Variants in KCNK10 observed in about 807,000 individuals in gnomAD.
KCNK10 encodes the protein potassium two pore domain channel subfamily K member 10.
A neutral mutation model predicts 47.7 loss-of-function variants in KCNK10; 25 were observed. That is an observed-to-expected ratio of 0.52 (90% CI 0.38 to 0.73). The LOEUF is 0.73. KCNK10 is among the 30% of genes least tolerant of loss of function. The probability of loss-of-function intolerance (pLI) is 0.00; values close to 1 mark genes in which losing one functional copy is unlikely to be tolerated. For missense variants in KCNK10, 563 were observed against 714.5 expected (o/e 0.79, Z 2.42); for synonymous variants, 303 against 285.6 (o/e 1.06, Z -0.61).
intron 2 of KCNK10, among the ~76,000 whole-genome samples, chr14:88,247,162 C>CT (rs1389999940): frequency 2.6e-5 from 4 of 152,192 alleles, no homozygotes; most frequent in Non-Finnish European, 5.9e-5. Flanking sequence ...ACTTTGAGTT[C>CT]TTTTTTCTCT....
In KCNK10 at chr14:88,243,545, G is replaced by C. The variant is rs186525041; in HGVS notation, c.403-2725C>G. On this transcript the variant is annotated intron_variant, in intron 2 of 6. Coordinates refer to ENST00000319231, the MANE Select transcript of KCNK10 (RefSeq NM_138317.3). ...TAGCCATTGTCCCAGAATTTAGGCA[G>C]AAGAGACCTCACGAGAGATCATTTC... Among the ~76,000 whole-genome samples the C allele has an allele frequency of 1.1e-3, 162 of 152,318 alleles. 1 individual carries two copies. Among genetic ancestry groups the C allele is most frequent in the Admixed American group, 2.1e-3 (32 of 15,300 alleles).
At position 88,185,607 on chromosome 14, in the gene KCNK10, CT is replaced by C. The variant is rs1364764037; in HGVS notation, c.1559del (p.Glu520GlyfsTer4). Reference sequence around the variant, plus strand: ...TGGTGTCCGTGGGTATCATTCCGTTCTCCAACTCAGCGTGCTGCTGGATACA... The same window carrying C: ...TGGTGTCCGTGGGTATCATTCCGTTCCCAACTCAGCGTGCTGCTGGATACA... ...TDCIQQHAEL[E>X]NGMIPTDTKD... On this transcript the variant is annotated frameshift_variant, in exon 7 of 7. Coordinates refer to ENST00000319231, the MANE Select transcript of KCNK10 (RefSeq NM_138317.3). LOFTEE classifies it high-confidence loss of function. The surrounding 1 kb of genome is among the most constrained non-coding windows in gnomAD (Gnocchi z 4.3). 2 of 1,614,170 alleles carry C rather than the reference CT, an allele frequency of 1.2e-6. No homozygotes were observed. Among genetic ancestry groups the C allele is most frequent in the South Asian group, 2.2e-5 (2 of 91,084 alleles).
intron 1 of KCNK10, among the ~76,000 whole-genome samples, chr14:88,283,083 A>G (rs1303767735): frequency 6.6e-6 from 1 of 152,232 alleles, no homozygotes; most frequent in Non-Finnish European, 1.5e-5. Context: ...TGCTGTATGC[A>G]TCTATTAAAC....
At chr14:88,313,512 TG>T (rs1566722389) in intron 1 of KCNK10, among the ~76,000 whole-genome samples, 1 of 152,236 alleles carries the variant, frequency 6.6e-6, no homozygotes, top group Non-Finnish European at 1.5e-5. Flanking sequence ...CCAGCCACCA[TG>T]TCACATATGA....
intron 1 of KCNK10, among the ~76,000 whole-genome samples, chr14:88,269,704 T>G (rs1887356448): frequency 6.6e-6 from 1 of 152,200 alleles, no homozygotes; most frequent in Non-Finnish European, 1.5e-5. Flanking sequence ...CCTAAAGTGC[T>G]GGGATTACAA....
chr14:88,242,376 T>A (rs553729709), intron 2 of KCNK10, among the ~76,000 whole-genome samples: 2 of 152,234 alleles, frequency 1.3e-5, no homozygotes, highest in Admixed American at 6.5e-5. Flanking sequence ...TTTCTTTTTT[T>A]AAATAATCTT....
intron 4 of KCNK10, among the ~76,000 whole-genome samples, chr14:88,204,885 T>C (rs931849957): frequency 2.6e-5 from 4 of 152,318 alleles, no homozygotes; most frequent in Admixed American, 1.3e-4. Flanking sequence ...GAGCCTATAC[T>C]GACAATATCA....
At chr14:88,308,116 C>T (rs1355151040) in intron 1 of KCNK10, among the ~76,000 whole-genome samples, 2 of 152,140 alleles carry the variant, frequency 1.3e-5, no homozygotes, top group African/African-American at 4.8e-5. Flanking sequence ...CACCTGCAGC[C>T]GTGGGAGTAT....
Position 88,186,101 on chromosome 14 carries a change from A to G in KCNK10, c.1066T>C (p.Phe356Leu). ...CTGAGCCTTCGCCGTGTCTCCCGGA[A>G]CTCAGCCGTGACATTGGCCTTCCAC... Reference protein sequence around the residue: ...AEWKANVTAEFRETRRRLSVE... With the variant: ...AEWKANVTAELRETRRRLSVE... The change falls in exon 7 of 7, where the codon TTC becomes CTC. Residue 356 changes from phenylalanine (F) to leucine (L), a missense_variant. By Grantham distance (22) the Phe-to-Leu change is conservative. Transcript: ENST00000319231. This position sits in a 1 kb window ranked among gnomAD's most constrained non-coding sequence, Gnocchi z 5.5. 4 of 1,607,842 alleles carry G rather than the reference A, an allele frequency of 2.5e-6. No homozygotes were observed. Among genetic ancestry groups the G allele is most frequent in the Non-Finnish European group, 3.4e-6 (4 of 1,177,936 alleles).
intron 4 of KCNK10, among the ~76,000 whole-genome samples, chr14:88,198,852 A>C (rs1436457075): frequency 2.0e-5 from 3 of 146,736 alleles, no homozygotes; most frequent in African/African-American, 7.4e-5. Context: ...GTATAAAGGG[A>C]ATATAGTAAT....
chr14:88,244,622 C>T (rs1425742630), intron 2 of KCNK10, among the ~76,000 whole-genome samples: 1 of 151,958 alleles, frequency 6.6e-6, no homozygotes, highest in Admixed American at 6.6e-5. Flanking sequence ...GAGCCGAGAT[C>T]GCGCTACTGC....
intron 1 of KCNK10, among the ~76,000 whole-genome samples, chr14:88,279,888 A>T (rs926111733): frequency 3.9e-5 from 6 of 152,074 alleles, no homozygotes; most frequent in African/African-American, 1.4e-4. Flanking sequence ...AATAAGTCTC[A>T]TGAGATCTGA....
intron 3 of KCNK10, among the ~76,000 whole-genome samples, chr14:88,236,285 C>T (rs886197476): frequency 6.6e-6 from 1 of 151,414 alleles, no homozygotes; most frequent in Non-Finnish European, 1.5e-5. Flanking sequence ...CCACTGTACT[C>T]CAGCCTGGAC....
intron 2 of KCNK10, among the ~76,000 whole-genome samples, chr14:88,247,296 C>A (rs1886672645): frequency 6.6e-6 from 1 of 152,140 alleles, no homozygotes; most frequent in African/African-American, 2.4e-5. Context: ...TGTGCCTTTA[C>A]CTCCCACCCA....
chr14:88,207,675 G>A (rs73326111), intron 4 of KCNK10, among the ~76,000 whole-genome samples: 4,263 of 152,264 alleles, frequency 0.028, 197 homozygotes, highest in African/African-American at 0.096. Flanking sequence ...TTCATTCATT[G>A]ATTCATCAAG....
intron 4 of KCNK10, among the ~76,000 whole-genome samples, chr14:88,210,653 T>C (rs1885424885): frequency 6.6e-6 from 1 of 151,764 alleles, no homozygotes; most frequent in Non-Finnish European, 1.5e-5. Flanking sequence ...GACACAGCTG[T>C]AGGTTAGGGC....
At chr14:88,253,106 C>T (rs550610837) in intron 2 of KCNK10, among the ~76,000 whole-genome samples, 5 of 152,204 alleles carry the variant, frequency 3.3e-5, no homozygotes, top group East Asian at 1.9e-4. Flanking sequence ...CAACAGTGGC[C>T]GCCTCTTGGT....
chr14:88,192,150 G>A (rs968657156), intron 5 of KCNK10, 74 bp downstream of exon 5: 23 of 1,384,066 alleles, frequency 1.7e-5, no homozygotes, highest in Admixed American at 2.2e-5. Context: ...ATCTTTTATC[G>A]ATTGCGAAAA....
chr14:88,270,576 A>T (rs569416139), intron 1 of KCNK10, among the ~76,000 whole-genome samples: 1 of 152,260 alleles, frequency 6.6e-6, no homozygotes, highest in South Asian at 2.1e-4. Context: ...GCACTTCCAG[A>T]TGGAAGAGAT....
Sources: gnomAD v4.1 joint callset for allele counts (sites outside exome capture counted in the v4.1 genomes callset) on GRCh38, gnomAD v4.1.1 for gene constraint, Gnocchi (gnomAD v3.1) non-coding constraint, MANE v1.5 for transcripts, NCBI Gene and HGNC (gene_info 2026-07-23, HGNC 2026-07-21) for gene names.